The following RBFOX1 variants were observed in gnomAD, a reference collection of about 807,000 sequenced individuals.
The protein encoded by RBFOX1 is RNA binding protein fox-1 homolog 1.
Under a neutral mutation model 57.7 loss-of-function variants are expected in RBFOX1, and 8 were observed. The observed-to-expected ratio is 0.14, with a 90% CI of 0.08 to 0.25. The LOEUF is 0.25. Among genes scored for constraint, RBFOX1 ranks in the 10% least tolerant of loss-of-function variants. RBFOX1 has a pLI of 1.00. For synonymous variants in RBFOX1, 326 were observed against 222.4 expected (o/e 1.47, Z -4.15); for missense variants, 611 against 548.5 (o/e 1.11, Z -1.14).
intron 4 of RBFOX1, among the ~76,000 whole-genome samples, chr16:7,096,784 T>G (rs181379322): frequency 6.6e-6 from 1 of 151,498 alleles, no homozygotes; most frequent in Non-Finnish European, 1.5e-5. Context: ...ATACAAAAAT[T>G]AGTTGGGAGT....
At chr16:7,105,402 T>C (rs2063400013) in intron 4 of RBFOX1, among the ~76,000 whole-genome samples, 1 of 152,018 alleles carries the variant, frequency 6.6e-6, no homozygotes, top group Non-Finnish European at 1.5e-5. Flanking sequence ...TCAGTGGTGA[T>C]TTGTGAGATT....
At chr16:6,579,469 C>T (rs2097501125) in intron 2 of RBFOX1, among the ~76,000 whole-genome samples, 1 of 152,160 alleles carries the variant, frequency 6.6e-6, no homozygotes, top group South Asian at 2.1e-4. Flanking sequence ...GTAATTGAAT[C>T]ATGGGAATGG....
In RBFOX1 at chr16:6,861,444, C is replaced by G. The variant is rs1157901123; in HGVS notation, c.-15-190613C>G. ...CAATGTAAACTGCTAATTGCAAGGC[C>G]TGACTCTCTTTTCCAAAAGGAATGA... On this transcript the variant is annotated intron_variant, in intron 3 of 15. Coordinates refer to ENST00000550418, the MANE Select transcript of RBFOX1 (RefSeq NM_018723.4). 6.6e-5 allele frequency among the ~76,000 whole-genome samples: 10 copies of G among 152,060 alleles called. No homozygotes were observed. In the East Asian group the frequency reaches 7.8e-4, roughly 12 times the overall value.
At position 7,120,705 on chromosome 16, in the gene RBFOX1, AAAAAC is replaced by A. The variant is rs576166610; in HGVS notation, c.27+68608_27+68612del. On this transcript the variant is annotated intron_variant, in intron 4 of 15. Coordinates refer to ENST00000550418, the MANE Select transcript of RBFOX1 (RefSeq NM_018723.4). ...ACATTTAATGTTGGGAAAAAAAAAA[AAAAAC>A]TATACACAGTCTCTTACAGAAAATA... Among the ~76,000 whole-genome samples the A allele has an allele frequency of 1.5e-3, 223 of 151,034 alleles. 1 individual carries two copies. The highest frequency in any genetic ancestry group is 2.4e-3 in the Non-Finnish European group (160 of 67,644).
intron 4 of RBFOX1, among the ~76,000 whole-genome samples, chr16:7,348,835 G>A (rs1226814409): frequency 2.0e-5 from 3 of 152,078 alleles, no homozygotes; most frequent in African/African-American, 7.2e-5. Context: ...CCAGCCCCTT[G>A]GGAGGCTCAG....
intron 2 of RBFOX1, among the ~76,000 whole-genome samples, chr16:5,579,761 T>C (rs1324921000): frequency 9.0e-6 from 1 of 110,730 alleles, no homozygotes; most frequent in Non-Finnish European, 1.6e-5. Context: ...TCTTTCTTTC[T>C]TTTTTTTTTT....
chr16:7,218,628 C>CTCTGTG lies in RBFOX1; in HGVS notation c.27+166531_27+166532insCTGTGT, dbSNP rs1206468606. Among the ~76,000 whole-genome samples the CTCTGTG allele has an allele frequency of 5.4e-3, 685 of 127,508 alleles. 12 individuals carry two copies. Among genetic ancestry groups the CTCTGTG allele is most frequent in the East Asian group, 0.018 (88 of 4,850 alleles). The allele number at this position is 127,508 out of a possible 152,430, so 83.7% of individuals were successfully genotyped here. On this transcript the variant is annotated intron_variant, in intron 4 of 15. Coordinates refer to ENST00000550418, the MANE Select transcript of RBFOX1 (RefSeq NM_018723.4). ...TTGACTTAGGGTTTGTGGGGGTTTG[C>CTCTGTG]TGTGTGTGTGTGTGTGTGTGTGTGT...
intron 3 of RBFOX1, among the ~76,000 whole-genome samples, chr16:5,621,852 C>G (rs1394567248): frequency 1.3e-5 from 2 of 152,084 alleles, no homozygotes; most frequent in African/African-American, 4.8e-5. Context: ...GCACCCAAGC[C>G]TTCGTGTTTC....
chr16:5,875,321 G>A (rs1285706374), intron 4 of RBFOX1, among the ~76,000 whole-genome samples: 4 of 152,190 alleles, frequency 2.6e-5, no homozygotes, highest in African/African-American at 9.6e-5. Context: ...TCTGAACCAG[G>A]TTTGTCTGAT....
chr16:6,882,913 A>G (rs757483378), intron 3 of RBFOX1, among the ~76,000 whole-genome samples: 18 of 152,166 alleles, frequency 1.2e-4, no homozygotes, highest in Non-Finnish European at 5.9e-5. Context: ...ACCAGGAGTT[A>G]TGAATTGAAT....
Position 6,924,439 on chromosome 16 carries a change from C to G in RBFOX1, c.-15-127618C>G, listed in dbSNP as rs1047386446. ...TGAACTAACAGAGTGAGTGCTCACT[C>G]ATCACTAAGGGGATGGCAGGCACCA... is the stretch of plus-strand genomic sequence containing the variant. On this transcript the variant is annotated intron_variant, in intron 3 of 15. Transcript: ENST00000550418. Among the ~76,000 whole-genome samples the G allele has an allele frequency of 2.0e-5, 3 of 152,060 alleles. No homozygotes were observed. The South Asian group carries it at 6.3e-4, about 32-fold the overall frequency.
rs183710256 is a variant in RBFOX1 at position 6,454,567 on chromosome 16, G to A, written c.-64+137510G>A. On this transcript the variant is annotated intron_variant, in intron 2 of 15. Coordinates refer to ENST00000550418, the MANE Select transcript of RBFOX1 (RefSeq NM_018723.4). ...AGTGAGACACCTTCTCAAAAACAAGGAAACAAAAAATGAAAACAAACAAAA... is the reference window on the plus strand; with the variant it reads ...AGTGAGACACCTTCTCAAAAACAAGAAAACAAAAAATGAAAACAAACAAAA... Among the ~76,000 whole-genome samples, 805 of 152,000 alleles carry A rather than the reference G, an allele frequency of 5.3e-3. 1 individual carries two copies. Among genetic ancestry groups the A allele is most frequent in the Middle Eastern group, 0.017 (5 of 294 alleles).
At chr16:6,764,817 A>G (rs1422654828) in intron 3 of RBFOX1, among the ~76,000 whole-genome samples, 1 of 152,046 alleles carries the variant, frequency 6.6e-6, no homozygotes, top group Non-Finnish European at 1.5e-5. Flanking sequence ...GGTGCCTGTA[A>G]TCCTAGCTAC....
chr16:5,310,111 G>A (rs1350729380), intron 1 of RBFOX1, among the ~76,000 whole-genome samples: 4 of 152,142 alleles, frequency 2.6e-5, no homozygotes, highest in East Asian at 1.9e-4. Flanking sequence ...TGGCTTGGGC[G>A]GCTGAGTGTA....
At chr16:6,114,648 T>C (rs140206424) in intron 1 of RBFOX1, among the ~76,000 whole-genome samples, 113 of 152,312 alleles carry the variant, frequency 7.4e-4, no homozygotes, top group African/African-American at 2.5e-3. Flanking sequence ...CAAACAATGA[T>C]ATGCTTGCCT....
intron 4 of RBFOX1, among the ~76,000 whole-genome samples, chr16:7,140,058 C>G (rs773803077): frequency 6.6e-6 from 1 of 151,776 alleles, no homozygotes; most frequent in East Asian, 1.9e-4. Flanking sequence ...GAATATTAGC[C>G]AAAGAATGGT....
At chr16:7,142,170 C>G (rs552991067) in intron 4 of RBFOX1, among the ~76,000 whole-genome samples, 10 of 152,148 alleles carry the variant, frequency 6.6e-5, no homozygotes, top group African/African-American at 2.4e-4. Flanking sequence ...ACTGCGAGCA[C>G]ACACCACCAC....
intron 3 of RBFOX1, among the ~76,000 whole-genome samples, chr16:5,794,101 A>G (rs2054795239): frequency 6.6e-6 from 1 of 152,154 alleles, no homozygotes; most frequent in South Asian, 2.1e-4. Flanking sequence ...ATTCCAGTAC[A>G]TCTGTGGTGT....
intron 2 of RBFOX1, among the ~76,000 whole-genome samples, chr16:6,604,598 C>T (rs1014019922): frequency 6.6e-6 from 1 of 152,160 alleles, no homozygotes; most frequent in East Asian, 1.9e-4. Context: ...TGGTGGCAAG[C>T]TCTTAATTAC....
Sources: allele counts gnomAD v4.1 joint callset (sites outside exome capture counted in the v4.1 genomes callset), GRCh38; gene constraint gnomAD v4.1.1; transcripts MANE v1.5; gene names NCBI Gene and HGNC (gene_info 2026-07-23, HGNC 2026-07-21).